The following TMTC3 variants were observed in gnomAD, a reference collection of about 807,000 sequenced individuals.
The protein encoded by TMTC3 is transmembrane O-mannosyltransferase targeting cadherins 3.
TMTC3 carries 52 observed loss-of-function variants against 92.2 expected under a neutral mutation model. The ratio of observed to expected loss-of-function variants is 0.56; its 90% CI spans 0.45 to 0.71. TMTC3 has a LOEUF of 0.71. Ranked by LOEUF, TMTC3 falls within the 30% of genes least tolerant of loss-of-function variation. The pLI is 0.00. For synonymous variants in TMTC3, 339 were observed against 363.3 expected (o/e 0.93, Z 0.76); for missense variants, 896 against 1,057.1 (o/e 0.85, Z 2.11).
In TMTC3 at chr12:88,160,713, A is replaced by C; in HGVS notation, c.659A>C (p.Gln220Pro). ...CCATTACTATGTACTACTGCTGGAC[A>C]GTTTCTCCGTGGAAAGGGTAGCATT... Reference protein sequence around the residue: ...TLPLLCTTAGQFLRGKGSIPF... With the variant: ...TLPLLCTTAGPFLRGKGSIPF... Residue 220 changes from glutamine to proline, a missense_variant, in exon 6 of 14, where the codon CAG becomes CCG. By Grantham distance (76) the Gln-to-Pro change is moderately conservative. Transcript: ENST00000266712. The C allele has an allele frequency of 6.2e-7, 1 of 1,613,558 alleles. No homozygotes were observed. The highest frequency in any genetic ancestry group is 8.5e-7 in the Non-Finnish European group (1 of 1,179,732).
rs565302738 is a variant in TMTC3, at chr12:88,166,156, A to G, written c.798-174A>G. ...CACTTCTCTGAAGTAGATGTTTCAT[A>G]AAGTTTTGATAGTTTGAACTCTAGC... On this transcript the variant is annotated intron_variant, in intron 6 of 13. Coordinates refer to ENST00000266712, the MANE Select transcript of TMTC3 (RefSeq NM_181783.4). Among the ~76,000 whole-genome samples the G allele has an allele frequency of 4.9e-4, 74 of 152,302 alleles. 1 individual carries two copies. The South Asian group carries it at 0.015, about 30-fold the overall frequency.
intron 7 of TMTC3, among the ~76,000 whole-genome samples, chr12:88,168,848 G>A (rs942987113): frequency 3.3e-5 from 5 of 152,200 alleles, no homozygotes; most frequent in Non-Finnish European, 5.9e-5. Flanking sequence ...TAGATAGGAA[G>A]AATACAGTTG....
rs544904157 is a variant in TMTC3, at chr12:88,164,065, G to A, written c.798-2265G>A. On this transcript the variant is annotated intron_variant, in intron 6 of 13. Coordinates refer to ENST00000266712, the MANE Select transcript of TMTC3 (RefSeq NM_181783.4). ...AAAATTAGCCAGCGTGGTGGTGCACGACTGATCCCACCTACTCGGGAGGCT... is the reference window on the plus strand; with the variant it reads ...AAAATTAGCCAGCGTGGTGGTGCACAACTGATCCCACCTACTCGGGAGGCT... Among the ~76,000 whole-genome samples, 115 of 151,604 alleles carry A rather than the reference G, an allele frequency of 7.6e-4. 2 individuals are homozygous for A. In the South Asian group the frequency reaches 0.012, roughly 15 times the overall value.
At chr12:88,149,991 G>T (rs2471516) in intron 2 of TMTC3, among the ~76,000 whole-genome samples, 134,063 of 152,128 alleles carry the variant, frequency 0.88, 59,976 homozygotes, top group East Asian at 0.99. Flanking sequence ...TAATGTTGAG[G>T]TTTTGAACTG....
At chr12:88,148,153 C>A in intron 1 of TMTC3, 135 bp from the exon 2 acceptor site, 1 of 575,786 alleles carries the variant, frequency 1.7e-6, no homozygotes, top group Non-Finnish European at 3.0e-6. Flanking sequence ...CTAGCTTATG[C>A]TTCTTAGAAG....
chr12:88,172,505 A>T (rs1447588660), intron 7 of TMTC3, 92 bp from the exon 8 acceptor site: 4 of 651,710 alleles, frequency 6.1e-6, no homozygotes, highest in Non-Finnish European at 8.4e-6. Context: ...AAATATTTGG[A>T]TTCAAGTATC....
chr12:88,184,935 TC>T (rs1465786371), intron 10 of TMTC3, among the ~76,000 whole-genome samples: 1 of 152,154 alleles, frequency 6.6e-6, no homozygotes, highest in Non-Finnish European at 1.5e-5. Flanking sequence ...AGAGCAACCT[TC>T]GCACATATAC....
Position 88,198,086 on chromosome 12 carries a change from T to C in TMTC3, c.*2437T>C. The C allele has an allele frequency of 2.7e-6, 1 of 372,790 alleles. No homozygotes were observed. The highest frequency in any genetic ancestry group is 4.8e-6 in the Non-Finnish European group (1 of 209,940). 23.1% of individuals were successfully genotyped at this position (372,790 alleles called of 1,614,324 possible). On this transcript the variant is annotated 3_prime_UTR_variant, in exon 14 of 14. Transcript: ENST00000266712. ...CTTCTAATAACTAGCATTTATTACA[T>C]GAAATTTAAGAGTTTAAGTTCCATC...
intron 1 of TMTC3, among the ~76,000 whole-genome samples, chr12:88,143,706 A>T (rs542923757): frequency 3.3e-4 from 51 of 152,306 alleles, no homozygotes; most frequent in African/African-American, 1.2e-3. Context: ...CTTAATTCAT[A>T]ATTTAACATG....
chr12:88,172,024 C>G (rs893033965), intron 7 of TMTC3, among the ~76,000 whole-genome samples: 1 of 151,950 alleles, frequency 6.6e-6, no homozygotes, highest in Non-Finnish European at 1.5e-5. Flanking sequence ...AGCTACTTTG[C>G]CCATTTTTTA....
intron 1 of TMTC3, among the ~76,000 whole-genome samples, chr12:88,146,437 G>C (rs1375062423): frequency 6.6e-6 from 1 of 151,976 alleles, no homozygotes; most frequent in Non-Finnish European, 1.5e-5. Context: ...TAACCTATTA[G>C]AGGATGTGTT....
chr12:88,146,105 C>G (rs750501114), intron 1 of TMTC3, among the ~76,000 whole-genome samples: 1 of 152,062 alleles, frequency 6.6e-6, no homozygotes, highest in African/African-American at 2.4e-5. Flanking sequence ...GAGTCAGGTC[C>G]CCGTCTGCCT....
rs2041257312 is a variant in TMTC3, at chr12:88,176,191, C to T, written c.1321-17C>T. The stretch of plus-strand genomic sequence containing the variant: ...TTTTTTTAATTGTAACTTTTTCTAT[C>T]TGTGCTTGTATTTAAGGTAAATAAA... On this transcript the variant is annotated splice_polypyrimidine_tract_variant and intron_variant, in intron 9 of 13. Coordinates refer to ENST00000266712, the MANE Select transcript of TMTC3 (RefSeq NM_181783.4). The T allele has an allele frequency of 1.3e-6, 2 of 1,527,210 alleles. No homozygotes were observed. The highest frequency in any genetic ancestry group is 2.3e-5 in the East Asian group (1 of 43,664). 94.6% of individuals were successfully genotyped at this position (1,527,210 alleles called of 1,614,324 possible). A position where few individuals can be genotyped will look rare whatever the true frequency, so the allele number is the denominator to read the frequency against.
In TMTC3 at chr12:88,166,542, G is replaced by T. The variant is rs773230041; in HGVS notation, c.1010G>T (p.Ser337Ile). 4 of 1,613,626 alleles carry T rather than the reference G, an allele frequency of 2.5e-6. No individual in the cohort carries two copies. The East Asian group carries it at 8.9e-5, about 36-fold the overall frequency. Residue 337 changes from serine (S) to isoleucine (I), a missense_variant, in exon 7 of 14, where the codon AGT (serine) becomes ATT (isoleucine). Coordinates refer to ENST00000266712, the MANE Select transcript of TMTC3 (RefSeq NM_181783.4). ...TTTCTGGGGATGTTGGGAGTATTCA[G>T]TATCAGATACTCTGGTGATTCCTCC... is the stretch of plus-strand genomic sequence containing the variant. ...FCFLGMLGVFSIRYSGDSSKT... is the reference protein window; with the variant it reads ...FCFLGMLGVFIIRYSGDSSKT...
chr12:88,177,380 G>A lies in TMTC3; in HGVS notation c.1432+1061G>A, dbSNP rs146927426. ...CTGTTGCAACTTTTTAGCTATAATA[G>A]TGATGGCATAGACATGGAAAATTCT... On this transcript the variant is annotated intron_variant, in intron 10 of 13. Transcript: ENST00000266712. Among the ~76,000 whole-genome samples, 673 of 152,086 alleles carry A rather than the reference G, an allele frequency of 4.4e-3. 13 individuals are homozygous for A. The highest frequency in any genetic ancestry group is 0.015 in the African/African-American group (623 of 41,474).
rs567363141 is a variant in TMTC3 at position 88,142,506 on chromosome 12, T to C, written c.-29+19T>C. The C allele has an allele frequency of 3.5e-4, 53 of 152,590 alleles. No individual in the cohort carries two copies. Among genetic ancestry groups the C allele is most frequent in the Non-Finnish European group, 7.3e-4 (50 of 68,386 alleles). 9.5% of individuals were successfully genotyped at this position (152,590 alleles called of 1,614,324 possible). ...CCCCCAGGTGAGGTCGAGCTGTCGG[T>C]CAGCATATTGGGAGGAATTGAGGGG... On this transcript the variant is annotated intron_variant, in intron 1 of 13. Transcript: ENST00000266712.
intron 2 of TMTC3, among the ~76,000 whole-genome samples, chr12:88,151,066 T>C (rs1412370397): frequency 1.3e-5 from 2 of 151,986 alleles, no homozygotes; most frequent in Non-Finnish European, 2.9e-5. Context: ...TTACCAAGGC[T>C]CTGTCCAAAC....
rs1446080608 is a variant in TMTC3, at chr12:88,153,284, C to T, written c.190-7C>T. Reference sequence around the variant, plus strand: ...TTTAATAATCACTGATCGTTTTTTCCTTGTAGGAGAGAAGCCACAAGTCTT... The same window carrying T: ...TTTAATAATCACTGATCGTTTTTTCTTTGTAGGAGAGAAGCCACAAGTCTT... On this transcript the variant is annotated splice_polypyrimidine_tract_variant and splice_region_variant and intron_variant, in intron 2 of 13. Transcript: ENST00000266712. The T allele has an allele frequency of 4.4e-6, 7 of 1,593,298 alleles. No individual in the cohort carries two copies. Among genetic ancestry groups the T allele is most frequent in the South Asian group, 2.3e-5 (2 of 87,916 alleles).
intron 13 of TMTC3, among the ~76,000 whole-genome samples, chr12:88,193,118 A>T: frequency 6.6e-6 from 1 of 152,264 alleles, no homozygotes; most frequent in South Asian, 2.1e-4. Context: ...GTCATTTTAT[A>T]TACATAAACA....
Sources: gnomAD v4.1 joint callset for allele counts (sites outside exome capture counted in the v4.1 genomes callset) on GRCh38, gnomAD v4.1.1 for gene constraint, MANE v1.5 for transcripts, NCBI Gene and HGNC (gene_info 2026-07-23, HGNC 2026-07-21) for gene names.